Variants in GIN1 observed in about 807,000 individuals in gnomAD.
The protein encoded by GIN1 is gypsy retrotransposon integrase 1.
GIN1 carries 41 observed loss-of-function variants against 51.4 expected under a neutral mutation model. The ratio of observed to expected loss-of-function variants is 0.80; its 90% confidence interval spans 0.62 to 1.04. The LOEUF (loss-of-function observed/expected upper bound fraction) is 1.04. Among genes scored for constraint, GIN1 ranks in the 50% least tolerant of loss-of-function variants. GIN1 has a pLI of 0.00. For missense variants in GIN1, 610 were observed against 612.4 expected (o/e 1.00, Z 0.04); for synonymous variants, 222 against 206.5 (o/e 1.07, Z -0.64).
intron 3 of GIN1, among the ~76,000 whole-genome samples, chr5:103,105,505 C>G (rs986560958): frequency 2.6e-5 from 4 of 152,042 alleles, no homozygotes; most frequent in Admixed American, 6.6e-5. Context: ...CTATTCCAAC[C>G]ATATTTATTG....
intron 2 of GIN1, among the ~76,000 whole-genome samples, chr5:103,107,941 A>G (rs1308182841): frequency 1.3e-5 from 2 of 152,048 alleles, no homozygotes; most frequent in African/African-American, 4.8e-5. Context: ...CATTCATTCA[A>G]TTATCTGGTG....
At chr5:103,102,803 CTGGAAAG>C (rs1554195919) in intron 4 of GIN1, 4 of 151,926 alleles carry the variant, frequency 2.6e-5, no homozygotes, top group African/African-American at 9.7e-5. Flanking sequence ...TCACTTGAGC[CTGGAAAG>C]TGGAGGTTGC....
Position 103,086,225 on chromosome 5 carries a change from A to C in GIN1, c.*1673T>G, listed in dbSNP as rs943133698. On this transcript the variant is annotated 3_prime_UTR_variant, in exon 8 of 8. Coordinates refer to ENST00000399004, the MANE Select transcript of GIN1 (RefSeq NM_017676.2). ...GGCATTCTCCTTGAGTCTGTGTTCA[A>C]ATTTTCCCCTTTTATCAGAACACCA... 1 of 152,106 alleles carries C rather than the reference A, an allele frequency of 6.6e-6. No homozygotes were observed. Among genetic ancestry groups the C allele is most frequent in the South Asian group, 2.1e-4 (1 of 4,818 alleles). 9.4% of individuals were successfully genotyped at this position (152,106 alleles called of 1,614,324 possible).
In GIN1 at chr5:103,108,412, T is replaced by C. The variant is rs79041247; in HGVS notation, c.139+157A>G. Among the ~76,000 whole-genome samples the C allele has an allele frequency of 5.3e-3, 801 of 152,192 alleles. 7 individuals are homozygous for C. The highest frequency in any genetic ancestry group is 0.017 in the African/African-American group (715 of 41,564). ...CTTATTGGCCTTCAGTTAGCTTGAG[T>C]GTAATTTTTATTTTGCTTTTGATTG... is the stretch of plus-strand genomic sequence containing the variant. On this transcript the variant is annotated intron_variant, in intron 2 of 7. Transcript: ENST00000399004.
intron 7 of GIN1, among the ~76,000 whole-genome samples, chr5:103,088,957 T>C (rs1196924594): frequency 1.3e-5 from 2 of 152,188 alleles, no homozygotes; most frequent in East Asian, 1.9e-4. Flanking sequence ...ATAAAACCCA[T>C]ATTGGAAAGA....
At chr5:103,096,895 A>C (rs1354910402) in intron 6 of GIN1, 69 bp from the exon 7 acceptor site, 1 of 954,210 alleles carries the variant, frequency 1.0e-6, no homozygotes, top group Non-Finnish European at 1.6e-6. Flanking sequence ...AAATGCAAAT[A>C]ATGAGAATAT....
At chr5:103,109,720 T>C (rs1349193281) in intron 1 of GIN1, among the ~76,000 whole-genome samples, 5 of 152,172 alleles carry the variant, frequency 3.3e-5, no homozygotes, top group Admixed American at 2.6e-4. Flanking sequence ...TCACTTCCAA[T>C]TGATTATTAA....
intron 7 of GIN1, among the ~76,000 whole-genome samples, chr5:103,094,110 A>G (rs1239284049): frequency 2.0e-5 from 3 of 152,204 alleles, no homozygotes; most frequent in African/African-American, 7.2e-5. Context: ...AAAAACTTCA[A>G]TGATTAGTCA....
chr5:103,103,263 TA>T (rs1264350465), intron 4 of GIN1, among the ~76,000 whole-genome samples: 1 of 152,192 alleles, frequency 6.6e-6, no homozygotes, highest in Non-Finnish European at 1.5e-5. Context: ...ACAACTCTGC[TA>T]AAGGAATTAA....
Position 103,104,789 on chromosome 5 carries a change from G to A in GIN1, c.391C>T (p.Gln131Ter), listed in dbSNP as rs376878560. 6.2e-7 allele frequency: 1 copy of A among 1,611,868 alleles called. No individual in the cohort carries two copies. Among genetic ancestry groups the A allele is most frequent in the African/African-American group, 1.3e-5 (1 of 74,900 alleles). ...GGATTTTCCACCTTGAGAAGGTGCTGTTTCGGTGCTACAATAACTGTATTT... is the reference window on the plus strand; with the variant it reads ...GGATTTTCCACCTTGAGAAGGTGCTATTTCGGTGCTACAATAACTGTATTT... Reference protein sequence around the residue: ...AKNTVIVAPKQHLLKVENPWS... With the variant: ...AKNTVIVAPK Residue 131 changes from glutamine to a stop codon, truncating the protein, a stop_gained, in exon 4 of 8, where the codon CAG becomes TAG. Transcript: ENST00000399004. LOFTEE classifies it high-confidence loss of function.
At chr5:103,108,773 C>T in intron 1 of GIN1, 59 bp from the exon 2 acceptor site, 1 of 1,040,560 alleles carries the variant, frequency 9.6e-7, no homozygotes, top group Non-Finnish European at 1.4e-6. Flanking sequence ...ATTGCTATTT[C>T]AGTTAAGACT....
intron 7 of GIN1, among the ~76,000 whole-genome samples, chr5:103,094,262 A>C (rs921731204): frequency 6.6e-6 from 1 of 152,174 alleles, no homozygotes; most frequent in African/African-American, 2.4e-5. Context: ...ATTTACTTTT[A>C]ATTTCTACAA....
At chr5:103,105,070 A>T (rs1787687065) in intron 3 of GIN1, among the ~76,000 whole-genome samples, 1 of 152,174 alleles carries the variant, frequency 6.6e-6, no homozygotes, top group South Asian at 2.1e-4. Context: ...ACCCTCAAAC[A>T]ACATGGGTTT....
At chr5:103,094,083 C>A (rs1466767458) in intron 7 of GIN1, among the ~76,000 whole-genome samples, 1 of 152,076 alleles carries the variant, frequency 6.6e-6, no homozygotes, top group Admixed American at 6.6e-5. Flanking sequence ...TATAGCATGT[C>A]AAAATTTATG....
rs1554193899 is a variant in GIN1 at position 103,086,578 on chromosome 5, C to T, written c.*1320G>A. The T allele has an allele frequency of 6.6e-6, 1 of 152,178 alleles. No homozygotes were observed. The highest frequency in any genetic ancestry group is 1.9e-4 in the East Asian group (1 of 5,196). 9.4% of individuals were successfully genotyped at this position (152,178 alleles called of 1,614,324 possible). A position where few individuals can be genotyped will look rare whatever the true frequency, so the allele number is the denominator to read the frequency against. On this transcript the variant is annotated 3_prime_UTR_variant, in exon 8 of 8. Coordinates refer to ENST00000399004, the MANE Select transcript of GIN1 (RefSeq NM_017676.2). Reference sequence around the variant, plus strand: ...ACTTCTCCCCTAATTCTTTTGTATCCATTTACCAAATCCTATACATTCTTC... The same window carrying T: ...ACTTCTCCCCTAATTCTTTTGTATCTATTTACCAAATCCTATACATTCTTC...
At position 103,104,321 on chromosome 5, in the gene GIN1, T is replaced by A. The variant is rs140927927; in HGVS notation, c.639+220A>T. ...ACCTCCTCATTTTAATTTGAGGATA[T>A]CTGAAGATAGGTTTACAATAACCCA... On this transcript the variant is annotated intron_variant, in intron 4 of 7. Transcript: ENST00000399004. 6.6e-5 allele frequency among the ~76,000 whole-genome samples: 10 copies of A among 152,322 alleles called. No individual in the cohort carries two copies. The East Asian group carries it at 1.9e-3, about 29-fold the overall frequency.
intron 1 of GIN1, among the ~76,000 whole-genome samples, chr5:103,113,394 C>A (rs538370494): frequency 1.3e-5 from 2 of 152,192 alleles, no homozygotes; most frequent in Non-Finnish European, 2.9e-5. Flanking sequence ...AGGCAGCTGT[C>A]TTCTCACTGT....
At chr5:103,099,397 T>C (rs978473429) in intron 4 of GIN1, among the ~76,000 whole-genome samples, 1 of 151,910 alleles carries the variant, frequency 6.6e-6, no homozygotes, top group Non-Finnish European at 1.5e-5. Flanking sequence ...ATTAATATAT[T>C]GAGATAGGGA....
chr5:103,093,113 T>C (rs1787301592), intron 7 of GIN1, among the ~76,000 whole-genome samples: 1 of 152,090 alleles, frequency 6.6e-6, no homozygotes, highest in Non-Finnish European at 1.5e-5. Flanking sequence ...ACCATAATTG[T>C]GGTAGGCAGC....
Sources: gnomAD v4.1 joint callset for allele counts (sites outside exome capture counted in the v4.1 genomes callset) on GRCh38, gnomAD v4.1.1 for gene constraint, MANE v1.5 for transcripts, NCBI Gene and HGNC (gene_info 2026-07-23, HGNC 2026-07-21) for gene names.